GRM8: variants seen among roughly 807,000 people sequenced by gnomAD.
GRM8 encodes the protein glutamate metabotropic receptor 8.
GRM8 carries 47 observed loss-of-function variants against 87.2 expected under a neutral mutation model. The ratio of observed to expected loss-of-function variants is 0.54; its 90% CI spans 0.43 to 0.69. The LOEUF is 0.69. Ranked by LOEUF, GRM8 falls within the 30% of genes least tolerant of loss-of-function variation. The probability of loss-of-function intolerance (pLI) is 0.00; values close to 1 mark genes in which losing one functional copy is unlikely to be tolerated. For missense variants in GRM8, 1,019 were observed against 1,139.2 expected (o/e 0.89, Z 1.52); for synonymous variants, 396 against 404.5 (o/e 0.98, Z 0.25).
At chr7:126,914,786 GC>G (rs1173350776) in intron 3 of GRM8, among the ~76,000 whole-genome samples, 1 of 152,136 alleles carries the variant, frequency 6.6e-6, no homozygotes, top group Non-Finnish European at 1.5e-5. Flanking sequence ...AGGGAGTGGG[GC>G]AAGGGCTAAA....
At chr7:126,896,770 A>T (rs1408561893) in intron 6 of GRM8, among the ~76,000 whole-genome samples, 1 of 152,176 alleles carries the variant, frequency 6.6e-6, no homozygotes, top group Non-Finnish European at 1.5e-5. Flanking sequence ...AAGAATCAAT[A>T]GGCCATTTTG....
At chr7:126,915,482 C>G (rs973875983) in intron 3 of GRM8, among the ~76,000 whole-genome samples, 4 of 152,208 alleles carry the variant, frequency 2.6e-5, no homozygotes, top group African/African-American at 9.7e-5. Flanking sequence ...TACACAGAAT[C>G]ACAACTCATA....
intron 2 of GRM8, among the ~76,000 whole-genome samples, chr7:127,152,561 G>A (rs759560951): frequency 4.6e-5 from 7 of 152,140 alleles, no homozygotes; most frequent in Non-Finnish European, 8.8e-5. Flanking sequence ...CAAATTCCAT[G>A]AGAATCAGCA....
At chr7:126,498,185 G>A (rs982502827) in intron 9 of GRM8, among the ~76,000 whole-genome samples, 3 of 151,890 alleles carry the variant, frequency 2.0e-5, no homozygotes, top group African/African-American at 7.2e-5. Context: ...TGTATACGGA[G>A]GGACAGCTTT....
chr7:126,539,242 C>T (rs1816245327), intron 8 of GRM8, among the ~76,000 whole-genome samples: 1 of 150,942 alleles, frequency 6.6e-6, no homozygotes, highest in Non-Finnish European at 1.5e-5. Context: ...AAGCACATGA[C>T]TTATCCAGGA....
chr7:126,755,043 T>C (rs1320030328), intron 7 of GRM8, among the ~76,000 whole-genome samples: 2 of 151,958 alleles, frequency 1.3e-5, no homozygotes, highest in African/African-American at 4.8e-5. Context: ...ACTTTGTAGC[T>C]CATTTGAAAG....
chr7:127,144,359 G>C (rs904940171), intron 2 of GRM8, among the ~76,000 whole-genome samples: 3 of 152,048 alleles, frequency 2.0e-5, no homozygotes, highest in Non-Finnish European at 4.4e-5. Context: ...TTGTGTTGCT[G>C]GTAGGGCACA....
chr7:126,582,003 C>T (rs902625551), intron 8 of GRM8, among the ~76,000 whole-genome samples: 2 of 152,110 alleles, frequency 1.3e-5, no homozygotes, highest in Non-Finnish European at 2.9e-5. Flanking sequence ...ACTACCAACA[C>T]TACAATGGCT....
chr7:126,816,268 T>A lies in GRM8; in HGVS notation c.1157-46203A>T, dbSNP rs563932947. Reference sequence around the variant, plus strand: ...TCAGAGCATGTATAGTATCTTTGCTTTTTTAAATTCAATATAAGGCTTTAC... The same window carrying A: ...TCAGAGCATGTATAGTATCTTTGCTATTTTAAATTCAATATAAGGCTTTAC... On this transcript the variant is annotated intron_variant, in intron 6 of 10. Transcript: ENST00000339582. Among the ~76,000 whole-genome samples, 35 of 152,282 alleles carry A rather than the reference T, an allele frequency of 2.3e-4. No homozygotes were observed. In the East Asian group the frequency reaches 2.7e-3, roughly 12 times the overall value.
intron 9 of GRM8, among the ~76,000 whole-genome samples, chr7:126,515,648 C>T (rs1812061877): frequency 6.6e-6 from 1 of 151,992 alleles, no homozygotes; most frequent in East Asian, 1.9e-4. Flanking sequence ...CCTTTTTCAT[C>T]TTTTAGAGGC....
At chr7:127,137,452 T>C (rs1468612353) in intron 2 of GRM8, among the ~76,000 whole-genome samples, 1 of 152,126 alleles carries the variant, frequency 6.6e-6, no homozygotes, top group East Asian at 1.9e-4. Context: ...TAGCATATAA[T>C]AGAAACTAAT....
At chr7:127,131,522 A>AG (rs2133225773) in intron 2 of GRM8, among the ~76,000 whole-genome samples, 1 of 152,350 alleles carries the variant, frequency 6.6e-6, no homozygotes, top group East Asian at 1.9e-4. Flanking sequence ...GCCATATTCC[A>AG]GGGCCAGGGA....
chr7:127,014,694 T>C (rs1326217637), intron 3 of GRM8, among the ~76,000 whole-genome samples: 1 of 152,074 alleles, frequency 6.6e-6, no homozygotes, highest in Admixed American at 6.6e-5. Flanking sequence ...ACATTCAAAA[T>C]TTGGCTTAAA....
intron 6 of GRM8, among the ~76,000 whole-genome samples, chr7:126,783,794 A>G (rs1820348010): frequency 6.6e-6 from 1 of 152,196 alleles, no homozygotes; most frequent in African/African-American, 2.4e-5. Flanking sequence ...TATATTAGAC[A>G]ATGTTGGTAC....
chr7:127,138,645 A>G (rs1247874866), intron 2 of GRM8, among the ~76,000 whole-genome samples: 1 of 152,148 alleles, frequency 6.6e-6, no homozygotes, highest in African/African-American at 2.4e-5. Flanking sequence ...GTCTCCTGGA[A>G]TTTGACCTGC....
chr7:126,539,357 A>G (rs1400148726), intron 8 of GRM8, among the ~76,000 whole-genome samples: 4 of 152,052 alleles, frequency 2.6e-5, no homozygotes, highest in Non-Finnish European at 5.9e-5. Flanking sequence ...TAAGATAGCA[A>G]TATTTCCCAC....
At chr7:126,990,733 T>C (rs1812579016) in intron 3 of GRM8, among the ~76,000 whole-genome samples, 1 of 152,220 alleles carries the variant, frequency 6.6e-6, no homozygotes, top group Admixed American at 6.5e-5. Flanking sequence ...ATAAGTGAAA[T>C]TGCTACAATA....
intron 7 of GRM8, among the ~76,000 whole-genome samples, chr7:126,740,629 G>A (rs1814846410): frequency 1.3e-5 from 2 of 152,068 alleles, no homozygotes. Context: ...CATTTATATT[G>A]TTTACCTCAG....
chr7:126,894,534 G>A (rs1801359071), intron 6 of GRM8, among the ~76,000 whole-genome samples: 1 of 151,928 alleles, frequency 6.6e-6, no homozygotes. Context: ...GAAAAAATGT[G>A]AGTATTTACG....
Sources: allele counts gnomAD v4.1 joint callset (sites outside exome capture counted in the v4.1 genomes callset), GRCh38; gene constraint gnomAD v4.1.1; transcripts MANE v1.5; gene names NCBI Gene and HGNC (gene_info 2026-07-23, HGNC 2026-07-21).